Variants in ENTPD1 observed in about 807,000 individuals in gnomAD.
ENTPD1 encodes the protein ATP diphosphohydrolase.
ENTPD1 carries 33 observed loss-of-function variants against 57.0 expected under a neutral mutation model. The ratio of observed to expected loss-of-function variants is 0.58; its 90% CI spans 0.44 to 0.77. ENTPD1 has a LOEUF of 0.77. Ranked by LOEUF, ENTPD1 falls within the 30% of genes least tolerant of loss-of-function variation. The pLI is 0.00. For missense variants in ENTPD1, 501 were observed against 603.4 expected, an observed-to-expected ratio of 0.83 and a Z score of 1.78; for synonymous variants, 202 against 218.8, an observed-to-expected ratio of 0.92 and a Z score of 0.68.
chr10:95,859,360 TG>T (rs1397668840), intron 7 of ENTPD1, among the ~76,000 whole-genome samples: 2 of 152,238 alleles, frequency 1.3e-5, no homozygotes, highest in African/African-American at 4.8e-5. Context: ...AATTACACTT[TG>T]GGAATCACAT....
chr10:95,794,449 C>T (rs1384054938), intron 1 of ENTPD1, among the ~76,000 whole-genome samples: 1 of 152,154 alleles, frequency 6.6e-6, no homozygotes, highest in Non-Finnish European at 1.5e-5. Context: ...ATTCCCAACC[C>T]TGGCTGCACT....
chr10:95,842,229 T>A (rs1051175814), intron 3 of ENTPD1, 115 bp from the exon 4 acceptor site: 1 of 935,334 alleles, frequency 1.1e-6, no homozygotes, highest in Non-Finnish European at 1.6e-6. Context: ...GTATAGTACA[T>A]CAGGAAATTG....
At chr10:95,717,368 A>C (rs1398415856) in intron 1 of ENTPD1, among the ~76,000 whole-genome samples, 3 of 140,130 alleles carry the variant, frequency 2.1e-5, no homozygotes, top group Non-Finnish European at 4.5e-5. Context: ...TTGCAGTTGC[A>C]AGATTTAATA....
Position 95,871,294 on chromosome 10 carries a change from T to C in ENTPD1, c.*4911T>C, listed in dbSNP as rs2153914. The C allele has an allele frequency of 0.66, 650,593 of 984,570 alleles. 216,313 individuals are homozygous for C. Among genetic ancestry groups the C allele is most frequent in the Admixed American group, 0.73 (11,821 of 16,282 alleles). 61.0% of individuals were successfully genotyped at this position (984,570 alleles called of 1,614,324 possible). A position where few individuals can be genotyped will look rare whatever the true frequency, so the allele number is the denominator to read the frequency against. On this transcript the variant is annotated 3_prime_UTR_variant, in exon 10 of 10. Transcript: ENST00000371205. ...TGTGTTTACTGTAAAATATAATCTGTTTATCTCACCAAAGAAATATTATCT... is the reference window on the plus strand; with the variant it reads ...TGTGTTTACTGTAAAATATAATCTGCTTATCTCACCAAAGAAATATTATCT...
intron 1 of ENTPD1, among the ~76,000 whole-genome samples, chr10:95,722,296 T>A (rs1000218599): frequency 4.6e-5 from 7 of 151,644 alleles, no homozygotes; most frequent in Admixed American, 2.6e-4. Context: ...TTTAATTTTT[T>A]ATTTATTATT....
intron 1 of ENTPD1, among the ~76,000 whole-genome samples, chr10:95,776,778 T>C (rs1399209372): frequency 4.6e-5 from 7 of 152,216 alleles, no homozygotes; most frequent in Non-Finnish European, 1.0e-4. Context: ...ACCAATCAAA[T>C]GTAGATTTGG....
intron 7 of ENTPD1, among the ~76,000 whole-genome samples, chr10:95,855,934 G>A (rs1319993114): frequency 1.3e-5 from 2 of 152,132 alleles, no homozygotes; most frequent in African/African-American, 2.4e-5. Context: ...CTCTTCTCGA[G>A]GAGTATCTTT....
rs535085603 is a variant in ENTPD1, at chr10:95,735,556, C to T, written c.37+23563C>T. Among the ~76,000 whole-genome samples the T allele has an allele frequency of 6.6e-5, 10 of 152,068 alleles. No individual in the cohort carries two copies. The East Asian group carries it at 9.7e-4, about 15-fold the overall frequency. On this transcript the variant is annotated intron_variant, in intron 1 of 9. Coordinates refer to the ENTPD1 transcript ENST00000453258. ...TAGACCTCCAATTGGCTTTTAAAAC[C>T]TTTTAAATATTTAATACAATTATTT...
At chr10:95,846,742 C>G (rs2098436443) in intron 6 of ENTPD1, among the ~76,000 whole-genome samples, 1 of 152,034 alleles carries the variant, frequency 6.6e-6, no homozygotes, top group African/African-American at 2.4e-5. Flanking sequence ...AATCCCAGCA[C>G]TTTGGGAGGC....
At chr10:95,833,080 T>C (rs2098401084) in intron 2 of ENTPD1, among the ~76,000 whole-genome samples, 1 of 152,236 alleles carries the variant, frequency 6.6e-6, no homozygotes, top group Non-Finnish European at 1.5e-5. Flanking sequence ...TTTATCTTTT[T>C]ATGGAGACTT....
At chr10:95,850,019 C>T (rs1477907202) in intron 7 of ENTPD1, among the ~76,000 whole-genome samples, 1 of 152,248 alleles carries the variant, frequency 6.6e-6, no homozygotes, top group Non-Finnish European at 1.5e-5. Flanking sequence ...TTCCTGCCTT[C>T]AAGCTTGAGC....
chr10:95,807,514 A>G (rs2098278268), intron 1 of ENTPD1, among the ~76,000 whole-genome samples: 1 of 152,192 alleles, frequency 6.6e-6, no homozygotes, highest in African/African-American at 2.4e-5. Context: ...TGTGGGCTGC[A>G]CCCGTTGTCC....
At chr10:95,765,999 CT>C (rs1182623015) in intron 1 of ENTPD1, among the ~76,000 whole-genome samples, 1 of 151,920 alleles carries the variant, frequency 6.6e-6, no homozygotes, top group South Asian at 2.1e-4. Context: ...CATAGATTTA[CT>C]TTTTTTGTTG....
intron 8 of ENTPD1, 29 bp from the exon 9 acceptor site, chr10:95,864,695 G>A (rs533680663): frequency 1.2e-6 from 2 of 1,613,832 alleles, no homozygotes; most frequent in South Asian, 1.1e-5. Context: ...TATCATACGA[G>A]TATGATCTCC....
chr10:95,829,410 T>G (rs1368242378), intron 2 of ENTPD1, among the ~76,000 whole-genome samples: 1 of 152,190 alleles, frequency 6.6e-6, no homozygotes, highest in Admixed American at 6.5e-5. Context: ...ACTTCCAGGT[T>G]TGCACGTGTG....
chr10:95,706,973 C>T (rs78416197), upstream of ENTPD1, among the ~76,000 whole-genome samples: 25,471 of 152,194 alleles, frequency 0.17, 2,550 homozygotes, highest in African/African-American at 0.27. Context: ...TGGGAGCAGA[C>T]GCTCCTAAGC....
intron 1 of ENTPD1, among the ~76,000 whole-genome samples, chr10:95,787,244 A>T (rs576277608): frequency 6.6e-6 from 1 of 152,310 alleles, no homozygotes; most frequent in South Asian, 2.1e-4. Context: ...GGGAAATTTG[A>T]TCAGCGTAGT....
upstream of ENTPD1, chr10:95,753,311 T>G (rs1355644840): frequency 6.6e-6 from 1 of 152,222 alleles, no homozygotes; most frequent in African/African-American, 2.4e-5. Flanking sequence ...TTGGTGATAA[T>G]ATATACTTAA....
At chr10:95,713,315 ATT>A (rs557821903) in intron 1 of ENTPD1, among the ~76,000 whole-genome samples, 1 of 151,692 alleles carries the variant, frequency 6.6e-6, no homozygotes, top group African/African-American at 2.4e-5. Context: ...AAGAACTTTA[ATT>A]TTTTTTTCTT....
Sources: allele counts gnomAD v4.1 joint callset (sites outside exome capture counted in the v4.1 genomes callset), GRCh38; gene constraint gnomAD v4.1.1; transcripts MANE v1.5; gene names NCBI Gene and HGNC (gene_info 2026-07-23, HGNC 2026-07-21).